The following SLC44A5 variants were observed in gnomAD, a reference collection of about 807,000 sequenced individuals.
The protein encoded by SLC44A5 is choline transporter-like protein 5.
In SLC44A5, 57 loss-of-function variants were observed where a neutral mutation model predicts 101.8. That is an observed-to-expected ratio of 0.56 (90% CI 0.45 to 0.70). The LOEUF is 0.70. Among genes scored for constraint, SLC44A5 ranks in the 30% least tolerant of loss-of-function variants. SLC44A5 has a pLI of 0.00. For synonymous variants in SLC44A5, 281 were observed against 290.9 expected (o/e 0.97, Z 0.35); for missense variants, 737 against 853.1 (o/e 0.86, Z 1.70).
intron 19 of SLC44A5, among the ~76,000 whole-genome samples, 185 bp downstream of exon 19, chr1:75,215,569 T>C (rs1277702657): frequency 6.6e-6 from 1 of 152,094 alleles, no homozygotes; most frequent in East Asian, 1.9e-4. Flanking sequence ...TAATAAAGTA[T>C]AGTTCAGATA....
intron 2 of SLC44A5, among the ~76,000 whole-genome samples, chr1:75,458,435 A>G (rs1396928418): frequency 6.6e-6 from 1 of 152,194 alleles, no homozygotes; most frequent in East Asian, 1.9e-4. Flanking sequence ...AGGAAAAAAC[A>G]TACAGTTTAG....
At chr1:75,523,249 A>T (rs1670237154) in intron 2 of SLC44A5, among the ~76,000 whole-genome samples, 1 of 152,130 alleles carries the variant, frequency 6.6e-6, no homozygotes. Context: ...GCATGTGGAT[A>T]TGACTCTGGG....
chr1:75,630,052 C>T, the SLC44A5 span, among the ~76,000 whole-genome samples: 1 of 152,134 alleles, frequency 6.6e-6, no homozygotes, highest in African/African-American at 2.4e-5. Context: ...TAGCTCCATC[C>T]CCCCAATTTG....
the SLC44A5 span, among the ~76,000 whole-genome samples, chr1:75,671,375 G>T: frequency 2.0e-4 from 31 of 152,054 alleles, no homozygotes; most frequent in Non-Finnish European, 2.9e-4. Flanking sequence ...GCCCTCAGAT[G>T]TCAAAACATC....
chr1:75,682,520 A>C, the SLC44A5 span, among the ~76,000 whole-genome samples: 1 of 151,994 alleles, frequency 6.6e-6, no homozygotes, highest in Non-Finnish European at 1.5e-5. Context: ...TTCCCTATTT[A>C]ATAAATGGTG....
intron 1 of SLC44A5, among the ~76,000 whole-genome samples, chr1:75,563,650 C>A (rs1337487024): frequency 6.6e-6 from 1 of 151,982 alleles, no homozygotes. Context: ...TCTAGAGGAA[C>A]TTACAAGTCT....
At chr1:75,695,997 C>T in the SLC44A5 span, among the ~76,000 whole-genome samples, 1 of 151,452 alleles carries the variant, frequency 6.6e-6, no homozygotes, top group African/African-American at 2.4e-5. Flanking sequence ...CTGAAGGACA[C>T]ACTTAAATGT....
chr1:75,214,498 A>G (rs1646922206), intron 20 of SLC44A5, 107 bp downstream of exon 20: 1 of 746,360 alleles, frequency 1.3e-6, no homozygotes, highest in East Asian at 2.8e-5. Flanking sequence ...AAAAGATAAT[A>G]TTCATATCCA....
chr1:75,284,264 T>C (rs1652862267), intron 5 of SLC44A5, among the ~76,000 whole-genome samples: 1 of 152,154 alleles, frequency 6.6e-6, no homozygotes, highest in Non-Finnish European at 1.5e-5. Flanking sequence ...TTTGCAGTTA[T>C]TATAAAAGGG....
intron 3 of SLC44A5, among the ~76,000 whole-genome samples, chr1:75,361,665 T>C (rs888339176): frequency 6.6e-6 from 1 of 152,146 alleles, no homozygotes; most frequent in African/African-American, 2.4e-5. Context: ...TTTGCATATG[T>C]TGAATCATCC....
In SLC44A5 at chr1:75,527,084, G is replaced by A. The variant is rs541620502; in HGVS notation, c.13+14351C>T. On this transcript the variant is annotated intron_variant, in intron 2 of 23. Coordinates refer to ENST00000370859, the MANE Select transcript of SLC44A5 (RefSeq NM_001130058.2). ...TGGGAGGCAGAGGCTGCAGTGAGCCGAGATTGCACCACTGCACTCCAGCCT... is the reference window on the plus strand; with the variant it reads ...TGGGAGGCAGAGGCTGCAGTGAGCCAAGATTGCACCACTGCACTCCAGCCT... 1.4e-4 allele frequency among the ~76,000 whole-genome samples: 21 copies of A among 150,284 alleles called. No individual in the cohort carries two copies. In the East Asian group the frequency reaches 3.5e-3, roughly 25 times the overall value.
chr1:75,226,148 A>G (rs1647189739), intron 13 of SLC44A5, among the ~76,000 whole-genome samples: 1 of 152,214 alleles, frequency 6.6e-6, no homozygotes, highest in African/African-American at 2.4e-5. Flanking sequence ...AAACAATTCC[A>G]TAACATATTT....
At chr1:75,227,903 G>A (rs1364809682) in intron 12 of SLC44A5, 46 bp from the exon 13 acceptor site, 1 of 1,486,854 alleles carries the variant, frequency 6.7e-7, no homozygotes, top group Non-Finnish European at 9.1e-7. Context: ...ATGATTTTCT[G>A]AAATAGGAGC....
At chr1:75,678,436 T>C in the SLC44A5 span, among the ~76,000 whole-genome samples, 1 of 152,060 alleles carries the variant, frequency 6.6e-6, no homozygotes, top group Non-Finnish European at 1.5e-5. Flanking sequence ...GATTGCCTCC[T>C]CAAGTGGGTC....
At chr1:75,375,995 C>T (rs1189593446) in intron 3 of SLC44A5, among the ~76,000 whole-genome samples, 10 of 152,252 alleles carry the variant, frequency 6.6e-5, no homozygotes, top group East Asian at 5.8e-4. Context: ...GTGTGCGAGC[C>T]GAAGCAGGGC....
chr1:75,453,038 A>T (rs1211178312), intron 2 of SLC44A5, among the ~76,000 whole-genome samples: 1 of 152,114 alleles, frequency 6.6e-6, no homozygotes, highest in African/African-American at 2.4e-5. Context: ...CACCAATTAG[A>T]CCTAATAGTC....
intron 1 of SLC44A5, among the ~76,000 whole-genome samples, chr1:75,597,711 A>G (rs915849397): frequency 6.6e-6 from 1 of 151,982 alleles, no homozygotes; most frequent in Non-Finnish European, 1.5e-5. Context: ...TATTCCCTAA[A>G]TGGTGCTGGG....
chr1:75,712,713 A>AGAC, the SLC44A5 span, among the ~76,000 whole-genome samples: 3 of 110,642 alleles, frequency 2.7e-5, no homozygotes, highest in Non-Finnish European at 3.5e-5. Context: ...AAAAAAAAAA[A>AGAC]ATGGAAAAGA....
chr1:75,361,581 T>C (rs1033123952), intron 3 of SLC44A5, among the ~76,000 whole-genome samples: 41 of 152,236 alleles, frequency 2.7e-4, no homozygotes, highest in Middle Eastern at 3.4e-3. Flanking sequence ...TGTCAAACGC[T>C]TTTGTGCATC....
Sources: gnomAD v4.1 joint callset for allele counts (sites outside exome capture counted in the v4.1 genomes callset) on GRCh38, gnomAD v4.1.1 for gene constraint, MANE v1.5 for transcripts, NCBI Gene and HGNC (gene_info 2026-07-23, HGNC 2026-07-21) for gene names.